ADGRV1: variants seen among roughly 807,000 people sequenced by gnomAD.
ADGRV1 encodes the protein G-protein coupled receptor 98.
A neutral mutation model predicts 596.2 loss-of-function variants in ADGRV1; 359 were observed. The ratio of observed to expected loss-of-function variants is 0.60; its 90% CI spans 0.55 to 0.66. The LOEUF (loss-of-function observed/expected upper bound fraction) is 0.66, where lower values mean the gene tolerates loss of function less well. Ranked by LOEUF, ADGRV1 falls within the 30% of genes least tolerant of loss-of-function variation. The pLI, the probability that ADGRV1 is intolerant of heterozygous loss-of-function variation, is 0.00. For missense variants in ADGRV1, 7,274 were observed against 7,575.6 expected (o/e 0.96, Z 1.48); for synonymous variants, 2,681 against 2,679.2 (o/e 1.00, Z -0.02).
chr5:90,585,645 T>C (rs1479816679), intron 1 of ADGRV1, among the ~76,000 whole-genome samples: 1 of 152,156 alleles, frequency 6.6e-6, no homozygotes, highest in African/African-American at 2.4e-5. Flanking sequence ...CAGGAGTACA[T>C]TGCTATGGGC....
chr5:91,005,370 A>G (rs1782183236), intron 85 of ADGRV1, among the ~76,000 whole-genome samples: 1 of 146,834 alleles, frequency 6.8e-6, no homozygotes, highest in African/African-American at 2.6e-5. Context: ...CTGTGTATAT[A>G]TATATATATT....
intron 83 of ADGRV1, among the ~76,000 whole-genome samples, chr5:90,948,749 G>A (rs1266661634): frequency 6.6e-6 from 1 of 152,064 alleles, no homozygotes; most frequent in South Asian, 2.1e-4. Context: ...CTAACGCAAA[G>A]TCTATTTTAT....
At chr5:90,745,903 C>T (rs776928924) in intron 52 of ADGRV1, 108 bp downstream of exon 52, 491 of 657,106 alleles carry the variant, frequency 7.5e-4, no homozygotes, top group Non-Finnish European at 1.1e-3. Context: ...GTGTCATCAG[C>T]CTCTCTCCCT....
chr5:90,731,362 A>G lies in ADGRV1; in HGVS notation c.10549+1598A>G, dbSNP rs749848501. Among the ~76,000 whole-genome samples the G allele has an allele frequency of 6.6e-5, 10 of 152,284 alleles. No homozygotes were observed. The East Asian group carries it at 7.7e-4, about 12-fold the overall frequency. ...GCGGGAAATCCGCCTCTATGATCCA[A>G]TCACCTCCCACCAGGTCCCTCCCCC... On this transcript the variant is annotated intron_variant, in intron 50 of 89. Coordinates refer to ENST00000405460, the MANE Select transcript of ADGRV1 (RefSeq NM_032119.4).
chr5:90,979,994 G>A (rs540800853), intron 84 of ADGRV1, among the ~76,000 whole-genome samples: 20 of 151,914 alleles, frequency 1.3e-4, no homozygotes, highest in Admixed American at 4.6e-4. Flanking sequence ...TTCCTTTTCC[G>A]TATTTGTATA....
intron 11 of ADGRV1, chr5:90,640,580 A>T (rs1420302551): frequency 6.6e-6 from 1 of 152,302 alleles, no homozygotes; most frequent in African/African-American, 2.4e-5. Context: ...ATGGGTCTTG[A>T]CAAGCTTGCT....
chr5:91,118,590 A>T (rs2973446), intron 87 of ADGRV1, among the ~76,000 whole-genome samples: 2 of 151,988 alleles, frequency 1.3e-5, no homozygotes, highest in Middle Eastern at 6.8e-3. Context: ...AAGGAATTTA[A>T]CATAAATAAA....
At chr5:90,792,217 G>C (rs1760158585) in intron 70 of ADGRV1, 1 of 152,192 alleles carries the variant, frequency 6.6e-6, no homozygotes, top group Admixed American at 6.5e-5. Flanking sequence ...GGGGAATTCT[G>C]AAGCCTTTGG....
chr5:90,732,572 T>C (rs1286267341), intron 50 of ADGRV1, among the ~76,000 whole-genome samples: 1 of 152,198 alleles, frequency 6.6e-6, no homozygotes, highest in Non-Finnish European at 1.5e-5. Flanking sequence ...ACCCATCTTA[T>C]AACTGAAAGT....
intron 1 of ADGRV1, among the ~76,000 whole-genome samples, chr5:90,601,194 G>A (rs1053316791): frequency 6.6e-6 from 1 of 151,286 alleles, no homozygotes; most frequent in Non-Finnish European, 1.5e-5. Context: ...CCAAGATCAC[G>A]CCGTTGCACT....
chr5:90,669,940 C>T (rs866280361), intron 21 of ADGRV1, among the ~76,000 whole-genome samples: 4 of 152,004 alleles, frequency 2.6e-5, no homozygotes, highest in Non-Finnish European at 4.4e-5. Flanking sequence ...GTCCTCTTCT[C>T]CTCTCCATCT....
intron 1 of ADGRV1, among the ~76,000 whole-genome samples, chr5:90,589,303 A>T (rs1050620017): frequency 2.0e-5 from 3 of 152,226 alleles, no homozygotes; most frequent in African/African-American, 7.2e-5. Context: ...GAGATGAAAG[A>T]TACCATAGTT....
chr5:90,984,163 T>G (rs1259919112), intron 84 of ADGRV1, among the ~76,000 whole-genome samples: 2 of 152,144 alleles, frequency 1.3e-5, no homozygotes, highest in Admixed American at 1.3e-4. Flanking sequence ...TTGCCCAAGA[T>G]TATCCACTTA....
chr5:90,813,913 CT>C (rs1447306744), intron 74 of ADGRV1, among the ~76,000 whole-genome samples: 1 of 152,110 alleles, frequency 6.6e-6, no homozygotes, highest in Non-Finnish European at 1.5e-5. Flanking sequence ...CATTACAAGT[CT>C]GGAATCATTT....
intron 75 of ADGRV1, 21 bp from the exon 76 acceptor site, chr5:90,823,404 T>C (rs1474767257): frequency 6.2e-7 from 1 of 1,611,624 alleles, no homozygotes; most frequent in African/African-American, 1.3e-5. Context: ...GTTAAGGCAT[T>C]GGTGGGTTTC....
At chr5:90,606,174 T>C (rs1762089900) in intron 1 of ADGRV1, among the ~76,000 whole-genome samples, 2 of 152,218 alleles carry the variant, frequency 1.3e-5, no homozygotes, top group Admixed American at 6.5e-5. Flanking sequence ...GTTAGCCTCA[T>C]GTCTGTGCCT....
intron 41 of ADGRV1, 98 bp downstream of exon 41, chr5:90,711,420 A>G: frequency 1.1e-6 from 1 of 889,716 alleles, no homozygotes; most frequent in East Asian, 2.9e-5. Context: ...TAAATAAATT[A>G]TTCTTAAAAA....
chr5:90,882,569 G>A (rs1236323642), intron 83 of ADGRV1, among the ~76,000 whole-genome samples: 2 of 152,024 alleles, frequency 1.3e-5, no homozygotes, highest in Non-Finnish European at 2.9e-5. Context: ...TTAAAATTTC[G>A]AGAAAGCTAT....
intron 82 of ADGRV1, among the ~76,000 whole-genome samples, chr5:90,858,387 C>CT (rs1001339048): frequency 6.6e-6 from 1 of 152,154 alleles, no homozygotes; most frequent in Non-Finnish European, 1.5e-5. Flanking sequence ...TCCCATAACT[C>CT]TTTTGATATT....
Sources: allele counts gnomAD v4.1 joint callset (sites outside exome capture counted in the v4.1 genomes callset), GRCh38; gene constraint gnomAD v4.1.1; transcripts MANE v1.5; gene names NCBI Gene and HGNC (gene_info 2026-07-23, HGNC 2026-07-21).